The following CYRIB variants were observed in gnomAD, a reference collection of about 807,000 sequenced individuals.
The protein encoded by CYRIB is CYFIP-related Rac1 interactor B.
In CYRIB, 8 loss-of-function variants were observed where a neutral mutation model predicts 44.2. The observed-to-expected ratio is 0.18, with a 90% CI of 0.11 to 0.33. CYRIB has a LOEUF of 0.33. Among genes scored for constraint, CYRIB ranks in the 10% least tolerant of loss-of-function variants. The pLI is 1.00. For missense variants in CYRIB, 185 were observed against 382.8 expected, an observed-to-expected ratio of 0.48 and a Z score of 4.31; for synonymous variants, 131 against 127.2, an observed-to-expected ratio of 1.03 and a Z score of -0.20.
intron 2 of CYRIB, among the ~76,000 whole-genome samples, chr8:129,894,250 G>C (rs981167611): frequency 6.6e-6 from 1 of 152,172 alleles, no homozygotes; most frequent in African/African-American, 2.4e-5. Flanking sequence ...TCTCCCAAGT[G>C]CTTCCATCAA....
At chr8:129,991,245 G>T (rs1240537414) in intron 1 of CYRIB, among the ~76,000 whole-genome samples, 1 of 151,694 alleles carries the variant, frequency 6.6e-6, no homozygotes, top group Non-Finnish European at 1.5e-5. Flanking sequence ...CCCTAACACA[G>T]TGCCTGCCTG....
chr8:129,875,440 G>C (rs910081651), intron 3 of CYRIB, among the ~76,000 whole-genome samples: 2 of 151,644 alleles, frequency 1.3e-5, no homozygotes, highest in South Asian at 2.1e-4. Context: ...CAAATTCCTT[G>C]AATCAAGTGA....
In CYRIB at chr8:130,006,607, C is replaced by CACACACATATATATGTATATATAT. The variant is rs1359122569; in HGVS notation, c.-296+9762_-296+9763insATATATATACATATATATGTGTGT. ...TAAAAACACAAATTATATATATATACATATATATGTGTATATATATACATA... is the reference window on the plus strand; with the variant it reads ...TAAAAACACAAATTATATATATATACACACACATATATATGTATATATATATATATATGTGTATATATATACATA... On this transcript the variant is annotated intron_variant, in intron 1 of 14. Transcript: ENST00000401979. Among the ~76,000 whole-genome samples the CACACACATATATATGTATATATAT allele has an allele frequency of 4.1e-3, 29 of 7,118 alleles. 2 individuals carry two copies. The highest frequency in any genetic ancestry group is 0.012 in the African/African-American group (29 of 2,442). The allele number at this position is 7,118 out of a possible 152,430, so 4.7% of individuals were successfully genotyped here. A position where few individuals can be genotyped will look rare whatever the true frequency, so the allele number is the denominator to read the frequency against.
chr8:129,854,122 T>C, intron 7 of CYRIB, 144 bp downstream of exon 9: 1 of 666,682 alleles, frequency 1.5e-6, no homozygotes, highest in South Asian at 1.8e-5. Context: ...CAGTTTGCTT[T>C]TCCTCCTACA....
In CYRIB at chr8:129,916,356, C is replaced by T. The variant is rs79611390; in HGVS notation, c.-49-13006G>A. Among the ~76,000 whole-genome samples, 6 of 152,078 alleles carry T rather than the reference C, an allele frequency of 3.9e-5. No homozygotes were observed. The East Asian group carries it at 1.2e-3, about 29-fold the overall frequency. ...TTCTATCACACAAATACCTGAGTACCTAATATTAGTCAAGCACTATAAGAG... is the reference window on the plus strand; with the variant it reads ...TTCTATCACACAAATACCTGAGTACTTAATATTAGTCAAGCACTATAAGAG... On this transcript the variant is annotated intron_variant, in intron 1 of 11. Transcript: ENST00000519824.
intron 5 of CYRIB, among the ~76,000 whole-genome samples, chr8:129,859,890 C>A (rs766935729): frequency 6.6e-6 from 1 of 152,178 alleles, no homozygotes; most frequent in Non-Finnish European, 1.5e-5. Flanking sequence ...TGCCTCGGCA[C>A]CTGGGTGGCT....
At chr8:129,888,943 A>C (rs2063899235) in intron 2 of CYRIB, among the ~76,000 whole-genome samples, 1 of 152,122 alleles carries the variant, frequency 6.6e-6, no homozygotes, top group Non-Finnish European at 1.5e-5. Context: ...AAATACAAAA[A>C]TTAGCTGGGC....
chr8:129,858,971 G>A (rs1283060856), intron 5 of CYRIB, among the ~76,000 whole-genome samples: 1 of 152,230 alleles, frequency 6.6e-6, no homozygotes, highest in Non-Finnish European at 1.5e-5. Flanking sequence ...ACGAGAGAGT[G>A]TAGAAATAAA....
chr8:129,996,267 C>T (rs980180030), intron 1 of CYRIB, among the ~76,000 whole-genome samples: 2 of 152,154 alleles, frequency 1.3e-5, no homozygotes, highest in Non-Finnish European at 2.9e-5. Context: ...GTCCCCCAAC[C>T]CCCACCTCAC....
At chr8:129,912,212 C>G (rs1037538229) in intron 1 of CYRIB, 2 of 151,948 alleles carry the variant, frequency 1.3e-5, no homozygotes, top group African/African-American at 4.8e-5. Context: ...TATATATACA[C>G]GCTCCAAATT....
chr8:129,855,838 C>G, intron 5 of CYRIB, 91 bp from the exon 8 acceptor site: 1 of 1,220,752 alleles, frequency 8.2e-7, no homozygotes. Flanking sequence ...ATGTTAATTC[C>G]CAGAAAAGTT....
chr8:129,946,826 G>C (rs1590863891), intron 2 of CYRIB, among the ~76,000 whole-genome samples: 1 of 152,092 alleles, frequency 6.6e-6, no homozygotes, highest in African/African-American at 2.4e-5. Context: ...AAGAAAAAAG[G>C]GTGCCACTGC....
At chr8:129,875,440 G>A (rs910081651) in intron 3 of CYRIB, among the ~76,000 whole-genome samples, 2 of 151,644 alleles carry the variant, frequency 1.3e-5, no homozygotes, top group African/African-American at 4.9e-5. Flanking sequence ...CAAATTCCTT[G>A]AATCAAGTGA....
intron 1 of CYRIB, among the ~76,000 whole-genome samples, chr8:129,911,855 A>G (rs1484657453): frequency 3.9e-5 from 6 of 152,148 alleles, no homozygotes; most frequent in African/African-American, 1.2e-4. Flanking sequence ...ATTACTGACC[A>G]TCTACAATGG....
chr8:129,926,826 A>G (rs1022512814), intron 1 of CYRIB, among the ~76,000 whole-genome samples: 1 of 152,216 alleles, frequency 6.6e-6, no homozygotes, highest in Non-Finnish European at 1.5e-5. Flanking sequence ...CACTACACAT[A>G]TATCTACTGG....
intron 1 of CYRIB, among the ~76,000 whole-genome samples, chr8:130,012,557 G>A (rs770009834): frequency 6.6e-6 from 1 of 152,188 alleles, no homozygotes; most frequent in Non-Finnish European, 1.5e-5. Context: ...TCTCTGCTGG[G>A]CACTTTCCAT....
At chr8:129,875,209 G>C (rs1029543999) in intron 3 of CYRIB, among the ~76,000 whole-genome samples, 4 of 151,510 alleles carry the variant, frequency 2.6e-5, no homozygotes, top group Non-Finnish European at 5.9e-5. Context: ...AATTAACACT[G>C]TTGTTATAAA....
intron 1 of CYRIB, among the ~76,000 whole-genome samples, chr8:129,973,845 T>C (rs2095812406): frequency 6.6e-6 from 1 of 152,088 alleles, no homozygotes. Context: ...CCAACTAGCC[T>C]TCTAACCAAC....
At chr8:129,868,915 G>A (rs1407185812) in intron 4 of CYRIB, among the ~76,000 whole-genome samples, 10 of 147,668 alleles carry the variant, frequency 6.8e-5, no homozygotes, top group South Asian at 2.1e-4. Context: ...AAAAAAACCC[G>A]GGCTGGGCAC....
Sources: gnomAD v4.1 joint callset for allele counts (sites outside exome capture counted in the v4.1 genomes callset) on GRCh38, gnomAD v4.1.1 for gene constraint, MANE v1.5 for transcripts, NCBI Gene and HGNC (gene_info 2026-07-23, HGNC 2026-07-21) for gene names.